The following SEMA6A variants were observed in gnomAD, a reference collection of about 807,000 sequenced individuals.
SEMA6A encodes semaphorin 6A.
Under a neutral mutation model 96.8 loss-of-function variants are expected in SEMA6A, and 25 were observed. The ratio of observed to expected loss-of-function variants is 0.26; its 90% CI spans 0.19 to 0.36. The LOEUF (loss-of-function observed/expected upper bound fraction) is 0.36. Ranked by LOEUF, SEMA6A falls within the 10% of genes least tolerant of loss-of-function variation. The pLI, the probability that SEMA6A is intolerant of heterozygous loss-of-function variation, is 1.00. For missense variants in SEMA6A, 1,363 were observed against 1,323.1 expected, an observed-to-expected ratio of 1.03 and a Z score of -0.47; for synonymous variants, 612 against 518.0, an observed-to-expected ratio of 1.18 and a Z score of -2.46.
At position 116,446,592 on chromosome 5, in the gene SEMA6A, C is replaced by T. The variant is rs1580429577; in HGVS notation, c.*21G>A. The T allele has an allele frequency of 1.5e-5, 22 of 1,461,072 alleles. No individual in the cohort carries two copies. In the East Asian group the frequency reaches 3.4e-4, roughly 23 times the overall value. The allele number at this position is 1,461,072 out of a possible 1,614,324, so 90.5% of individuals were successfully genotyped here. On this transcript the variant is annotated 3_prime_UTR_variant, in exon 19 of 19. Transcript: ENST00000343348. The stretch of plus-strand genomic sequence containing the variant: ...CCTCGCCTTGCCTGCTGGTTCGACA[C>T]CTGACCCCCTCCCCCTGGGATTATG...
chr5:116,542,141 T>G (rs1172298250), intron 1 of SEMA6A, among the ~76,000 whole-genome samples: 1 of 152,182 alleles, frequency 6.6e-6, no homozygotes, highest in East Asian at 1.9e-4. Flanking sequence ...GTGTAGAATT[T>G]TTTTTAAGAC....
intron 16 of SEMA6A, 27 bp downstream of exon 16, chr5:116,475,518 T>G: frequency 6.5e-7 from 1 of 1,543,804 alleles, no homozygotes; most frequent in Non-Finnish European, 8.8e-7. Context: ...TGCCCAAAGA[T>G]AAAAATGGAT....
chr5:116,484,417 T>C (rs749042751), intron 10 of SEMA6A, among the ~76,000 whole-genome samples: 22 of 152,154 alleles, frequency 1.4e-4, no homozygotes, highest in Non-Finnish European at 2.1e-4. Context: ...ATTCAACATA[T>C]GTTTATAGAA....
intron 1 of SEMA6A, among the ~76,000 whole-genome samples, chr5:116,507,007 G>A (rs563133426): frequency 3.3e-5 from 5 of 152,218 alleles, no homozygotes; most frequent in East Asian, 1.9e-4. Flanking sequence ...AAGATTGCAT[G>A]TGTCAAATGC....
chr5:116,572,457 G>A (rs1217783987), intron 1 of SEMA6A, among the ~76,000 whole-genome samples: 1 of 152,216 alleles, frequency 6.6e-6, no homozygotes, highest in African/African-American at 2.4e-5. Flanking sequence ...CGGCTGTGAA[G>A]ACAGCGCCTC....
Position 116,446,647 on chromosome 5 carries a change from G to GA in SEMA6A, c.3058dup (p.Ser1020PhefsTer8). 1 of 1,528,256 alleles carries GA rather than the reference G, an allele frequency of 6.5e-7. No individual in the cohort carries two copies. Among genetic ancestry groups the GA allele is most frequent in the Non-Finnish European group, 8.8e-7 (1 of 1,137,022 alleles). 94.7% of individuals were successfully genotyped at this position (1,528,256 alleles called of 1,614,324 possible). The stretch of plus-strand genomic sequence containing the variant: ...CGCATCATTGGGCTTCATGGATGTG[G>GA]AAAGGGGAGCAAAGGATGGTTTGGG... On this transcript the variant is annotated frameshift_variant, in exon 19 of 19. Coordinates refer to ENST00000343348, the MANE Select transcript of SEMA6A (RefSeq NM_020796.5). LOFTEE classifies it high-confidence loss of function.
chr5:116,516,382 A>T (rs1358862119), intron 1 of SEMA6A, among the ~76,000 whole-genome samples: 1 of 152,162 alleles, frequency 6.6e-6, no homozygotes, highest in Non-Finnish European at 1.5e-5. Context: ...TTTTTGGGGA[A>T]ATTCATTTCG....
chr5:116,450,430 A>G (rs777605163), intron 18 of SEMA6A, among the ~76,000 whole-genome samples: 1 of 152,254 alleles, frequency 6.6e-6, no homozygotes, highest in African/African-American at 2.4e-5. Context: ...GAACGTGGAA[A>G]GAGTAAAGCT....
At chr5:116,505,643 G>A (rs1277839902) in intron 1 of SEMA6A, among the ~76,000 whole-genome samples, 1 of 152,146 alleles carries the variant, frequency 6.6e-6, no homozygotes, top group Non-Finnish European at 1.5e-5. Context: ...ACACTCTGAA[G>A]ATTACTACAA....
chr5:116,519,397 G>A (rs1457260703), intron 1 of SEMA6A, among the ~76,000 whole-genome samples: 4 of 152,138 alleles, frequency 2.6e-5, no homozygotes, highest in Non-Finnish European at 5.9e-5. Context: ...AGAAAATATC[G>A]TACAAGTGTG....
At chr5:116,465,583 T>A (rs753388410) in intron 18 of SEMA6A, among the ~76,000 whole-genome samples, 1 of 152,186 alleles carries the variant, frequency 6.6e-6, no homozygotes, top group Non-Finnish European at 1.5e-5. Flanking sequence ...TTTGACAATA[T>A]GTAGACTGCT....
intron 1 of SEMA6A, among the ~76,000 whole-genome samples, chr5:116,511,457 T>A (rs1213251901): frequency 6.6e-6 from 1 of 152,178 alleles, no homozygotes; most frequent in Admixed American, 6.5e-5. Flanking sequence ...CAGGTCTGTA[T>A]AATGCCAAAG....
At chr5:116,486,690 C>A in intron 10 of SEMA6A, 59 bp downstream of exon 10, 1 of 1,404,002 alleles carries the variant, frequency 7.1e-7, no homozygotes. Flanking sequence ...GAAGAGAACC[C>A]CCTGGGAGAA....
chr5:116,553,384 T>G (rs897443564), intron 1 of SEMA6A, among the ~76,000 whole-genome samples: 1 of 152,302 alleles, frequency 6.6e-6, no homozygotes, highest in African/African-American at 2.4e-5. Context: ...TCACACTTGG[T>G]GTCATTAGCG....
At chr5:116,469,045 A>T (rs548316807) in intron 17 of SEMA6A, 1 of 152,290 alleles carries the variant, frequency 6.6e-6, no homozygotes, top group African/African-American at 2.4e-5. Flanking sequence ...TAACAAAGAT[A>T]GCTTTTTATC....
intron 1 of SEMA6A, among the ~76,000 whole-genome samples, chr5:116,545,609 C>G (rs967642990): frequency 2.6e-5 from 4 of 152,172 alleles, no homozygotes; most frequent in Non-Finnish European, 4.4e-5. Flanking sequence ...CAGGTGTGCT[C>G]TGGCCGTGTT....
chr5:116,473,224 A>G (rs762472984), intron 16 of SEMA6A, 131 bp from the exon 17 acceptor site: 86 of 817,804 alleles, frequency 1.1e-4, no homozygotes, highest in Non-Finnish European at 1.6e-4. Flanking sequence ...AGTGCTTTTT[A>G]ATTTCTGCGT....
chr5:116,462,939 T>C (rs1755506613), intron 18 of SEMA6A, among the ~76,000 whole-genome samples: 1 of 152,210 alleles, frequency 6.6e-6, no homozygotes, highest in South Asian at 2.1e-4. Context: ...AATATTCTAT[T>C]TAAATTACCT....
intron 18 of SEMA6A, among the ~76,000 whole-genome samples, chr5:116,455,860 G>C (rs547275858): frequency 2.6e-5 from 4 of 152,136 alleles, no homozygotes; most frequent in African/African-American, 9.7e-5. Flanking sequence ...GTGACTTTGG[G>C]TATGTCACTC....
Sources: allele counts gnomAD v4.1 joint callset (sites outside exome capture counted in the v4.1 genomes callset), GRCh38; gene constraint gnomAD v4.1.1; transcripts MANE v1.5; gene names NCBI Gene and HGNC (gene_info 2026-07-23, HGNC 2026-07-21).